The following HIRA variants were observed in gnomAD, a reference collection of about 807,000 sequenced individuals.
HIRA encodes the protein histone cell cycle regulator.
HIRA carries 13 observed loss-of-function variants against 126.6 expected under a neutral mutation model. The observed-to-expected ratio is 0.10, with a 90% CI of 0.07 to 0.16. HIRA has a LOEUF of 0.16. HIRA is among the 10% of genes least tolerant of loss of function. HIRA has a pLI of 1.00. For synonymous variants in HIRA, 511 were observed against 520.0 expected (o/e 0.98, Z 0.24); for missense variants, 834 against 1,314.4 (o/e 0.63, Z 5.65).
chr22:19,366,822 A>G (rs2088917806), intron 15 of HIRA, among the ~76,000 whole-genome samples: 1 of 152,164 alleles, frequency 6.6e-6, no homozygotes, highest in Admixed American at 6.5e-5. Context: ...GTACAGTGGC[A>G]CAATCTCAGC....
chr22:19,422,169 T>TACACACACACAC lies in HIRA; in HGVS notation c.37+9270_37+9271insGTGTGTGTGTGT, dbSNP rs762601560. ...TATACCTGAAAAGAATGTGTTTATA[T>TACACACACACAC]ATACACACACACACACACACACACA... On this transcript the variant is annotated intron_variant, in intron 1 of 24. Coordinates refer to ENST00000263208, the MANE Select transcript of HIRA (RefSeq NM_003325.4). 7.9e-3 allele frequency among the ~76,000 whole-genome samples: 877 copies of TACACACACACAC among 111,410 alleles called. 4 individuals carry two copies. Among genetic ancestry groups the TACACACACACAC allele is most frequent in the Admixed American group, 0.01 (115 of 11,004 alleles). The allele number at this position is 111,410 out of a possible 152,430, so 73.1% of individuals were successfully genotyped here.
At position 19,351,087 on chromosome 22, in the gene HIRA, T is replaced by C; in HGVS notation, c.2937+271A>G. On this transcript the variant is annotated intron_variant, in intron 24 of 24. Transcript: ENST00000263208. This position sits in a 1 kb window ranked among gnomAD's most constrained non-coding sequence, Gnocchi z 4.8. ...AGGGAAGTACCTTCCGTCTTTTGTCTTCACAACCAAGCCCAGAGCCCCTGC... is the reference window on the plus strand; with the variant it reads ...AGGGAAGTACCTTCCGTCTTTTGTCCTCACAACCAAGCCCAGAGCCCCTGC... 1 of 982,920 alleles carries C rather than the reference T, an allele frequency of 1.0e-6. No individual in the cohort carries two copies. The highest frequency in any genetic ancestry group is 1.2e-6 in the Non-Finnish European group (1 of 827,668). The allele number at this position is 982,920 out of a possible 1,614,324, so 60.9% of individuals were successfully genotyped here. A position where few individuals can be genotyped will look rare whatever the true frequency, so the allele number is the denominator to read the frequency against.
At chr22:19,420,631 C>T (rs1601860723) in intron 1 of HIRA, among the ~76,000 whole-genome samples, 1 of 151,910 alleles carries the variant, frequency 6.6e-6, no homozygotes, top group Non-Finnish European at 1.5e-5. Flanking sequence ...AGGAGGATTG[C>T]TTGAGCCCAG....
At chr22:19,407,082 G>T in intron 4 of HIRA, 102 bp downstream of exon 4, 1 of 920,514 alleles carries the variant, frequency 1.1e-6, no homozygotes, top group Non-Finnish European at 1.8e-6. Flanking sequence ...TGAGGTCAGG[G>T]CTATGGGAAC....
chr22:19,362,722 G>A (rs1338375882), intron 15 of HIRA, among the ~76,000 whole-genome samples: 1 of 151,550 alleles, frequency 6.6e-6, no homozygotes, highest in East Asian at 2.0e-4. Flanking sequence ...CACCACGCCT[G>A]GTTAATTTTT....
chr22:19,350,068 A>C (rs1175537823), intron 24 of HIRA, among the ~76,000 whole-genome samples: 1 of 151,904 alleles, frequency 6.6e-6, no homozygotes, highest in Non-Finnish European at 1.5e-5. Context: ...GCTCACTGAA[A>C]GCTTAGCCTG....
chr22:19,421,107 G>C (rs2089442556), intron 1 of HIRA, among the ~76,000 whole-genome samples: 1 of 152,138 alleles, frequency 6.6e-6, no homozygotes, highest in African/African-American at 2.4e-5. Flanking sequence ...AAACCAGCCT[G>C]GCCAACATGG....
At chr22:19,384,215 G>T (rs1373743836) in intron 12 of HIRA, among the ~76,000 whole-genome samples, 1 of 151,374 alleles carries the variant, frequency 6.6e-6, no homozygotes, top group Non-Finnish European at 1.5e-5. Flanking sequence ...CTACTCAGGA[G>T]GCTGAGGCTG....
intron 14 of HIRA, 98 bp downstream of exon 14, chr22:19,377,771 G>T: frequency 1.9e-6 from 2 of 1,067,634 alleles, no homozygotes; most frequent in Non-Finnish European, 2.7e-6. Context: ...GATTGAAGGG[G>T]CCACAAAGTG....
chr22:19,361,353 A>G lies in HIRA; in HGVS notation c.1981-12T>C. On this transcript the variant is annotated splice_polypyrimidine_tract_variant and intron_variant, in intron 16 of 24. Transcript: ENST00000263208. The stretch of plus-strand genomic sequence containing the variant: ...AGGGCAGCTGGAGACTGGAAGAGCC[A>G]GAAACGTTCCTGAGCCTTGCTCTAA... The G allele has an allele frequency of 6.2e-7, 1 of 1,611,068 alleles. No individual in the cohort carries two copies. Among genetic ancestry groups the G allele is most frequent in the Non-Finnish European group, 8.5e-7 (1 of 1,177,136 alleles).
intron 7 of HIRA, among the ~76,000 whole-genome samples, chr22:19,395,369 T>C (rs1252706856): frequency 6.6e-6 from 1 of 152,102 alleles, no homozygotes; most frequent in African/African-American, 2.4e-5. Flanking sequence ...GCCCACCCAG[T>C]AGAGGCTGAA....
In HIRA at chr22:19,351,324, G is replaced by C. The variant is rs2088755092; in HGVS notation, c.2937+34C>G. 6.3e-7 allele frequency: 1 copy of C among 1,576,806 alleles called. No individual in the cohort carries two copies. The highest frequency in any genetic ancestry group is 8.6e-7 in the Non-Finnish European group (1 of 1,167,064). On this transcript the variant is annotated intron_variant, in intron 24 of 24. Transcript: ENST00000263208. The surrounding 1 kb of genome is among the most constrained non-coding windows in gnomAD (Gnocchi z 4.8). Reference sequence around the variant, plus strand: ...ATCTCCACCTTCATGTTTCAAGAAAGAATTCTTGCAGCAACAATGAAAGAA... The same window carrying C: ...ATCTCCACCTTCATGTTTCAAGAAACAATTCTTGCAGCAACAATGAAAGAA...
intron 13 of HIRA, among the ~76,000 whole-genome samples, chr22:19,380,133 T>TTTA (rs1181613105): frequency 6.6e-6 from 1 of 152,198 alleles, no homozygotes; most frequent in Non-Finnish European, 1.5e-5. Flanking sequence ...GCACTAAAAT[T>TTTA]TTAAAATTTT....
chr22:19,405,212 C>A (rs1308286425), intron 5 of HIRA, among the ~76,000 whole-genome samples: 1 of 152,164 alleles, frequency 6.6e-6, no homozygotes, highest in Non-Finnish European at 1.5e-5. Context: ...CCTGGAAAAC[C>A]CTTTGGTCCA....
At chr22:19,331,600 G>T in intron 24 of HIRA, 44 bp from the exon 25 acceptor site, 3 of 1,528,222 alleles carry the variant, frequency 2.0e-6, no homozygotes, top group South Asian at 1.3e-5. Context: ...TCAGTGAAGA[G>T]ACCTAGATTG....
chr22:19,424,800 T>C (rs566522550), intron 1 of HIRA, among the ~76,000 whole-genome samples: 11 of 152,298 alleles, frequency 7.2e-5, no homozygotes, highest in African/African-American at 1.7e-4. Flanking sequence ...CTGCAAGTCA[T>C]AGAGAATTTC....
chr22:19,430,614 T>C (rs936369204), intron 1 of HIRA, among the ~76,000 whole-genome samples: 2 of 142,522 alleles, frequency 1.4e-5, no homozygotes, highest in African/African-American at 2.7e-5. Flanking sequence ...ATTTCTGTGC[T>C]ACAGTGCTGT....
At chr22:19,427,056 C>G (rs757174511) in intron 1 of HIRA, among the ~76,000 whole-genome samples, 5 of 152,322 alleles carry the variant, frequency 3.3e-5, no homozygotes, top group South Asian at 2.1e-4. Flanking sequence ...AAGACAAATA[C>G]ACCAAAAGGC....
At chr22:19,400,290 T>C (rs911622591) in intron 5 of HIRA, among the ~76,000 whole-genome samples, 1 of 152,234 alleles carries the variant, frequency 6.6e-6, no homozygotes, top group African/African-American at 2.4e-5. Context: ...GTTTCTCTCT[T>C]TAGTATCTGG....
Sources: gnomAD v4.1 joint callset for allele counts (sites outside exome capture counted in the v4.1 genomes callset) on GRCh38, gnomAD v4.1.1 for gene constraint, Gnocchi (gnomAD v3.1) non-coding constraint, MANE v1.5 for transcripts, NCBI Gene and HGNC (gene_info 2026-07-23, HGNC 2026-07-21) for gene names.